The following LSP1 variants were observed in gnomAD, a reference collection of about 807,000 sequenced individuals.
LSP1 encodes lymphocyte-specific protein 1.
Under a neutral mutation model 49.3 loss-of-function variants are expected in LSP1, and 32 were observed. The observed-to-expected ratio is 0.65, with a 90% CI of 0.49 to 0.87. LSP1 has a LOEUF of 0.87. Ranked by LOEUF, LSP1 falls within the 40% of genes least tolerant of loss-of-function variation. The pLI is 0.00. For missense variants in LSP1, 428 were observed against 442.6 expected, an observed-to-expected ratio of 0.97 and a Z score of 0.30; for synonymous variants, 179 against 178.8, an observed-to-expected ratio of 1.00 and a Z score of -0.01.
chr11:1,889,026 C>T, intron 10 of LSP1: 1 of 574,438 alleles, frequency 1.7e-6, no homozygotes, highest in South Asian at 2.1e-5. Flanking sequence ...TGCCCTGCAC[C>T]CCATGCCCCT....
intron 2 of LSP1, chr11:1,880,741 C>A (rs1848503790): frequency 6.5e-6 from 1 of 153,272 alleles, no homozygotes; most frequent in Non-Finnish European, 1.5e-5. Flanking sequence ...AGGCCCTTGG[C>A]CACCCCCACC....
intron 7 of LSP1, among the ~76,000 whole-genome samples, chr11:1,886,230 G>A (rs1243138045): frequency 6.7e-6 from 1 of 149,792 alleles, no homozygotes; most frequent in Non-Finnish European, 1.5e-5. Flanking sequence ...AACCAATACG[G>A]CTCTATCCAA....
At chr11:1,864,248 C>A in intron 1 of LSP1, 1 of 987,380 alleles carries the variant, frequency 1.0e-6, no homozygotes, top group Non-Finnish European at 1.2e-6. Context: ...AGGGAGGTGG[C>A]AGGTTGACGA....
chr11:1,884,098 C>T lies in LSP1; in HGVS notation c.591+74C>T. Reference sequence around the variant, plus strand: ...TACCCAAAAGGCCAATCCCACATGCCAGCCACAGGAAGACCAGGCCCAGGC... The same window carrying T: ...TACCCAAAAGGCCAATCCCACATGCTAGCCACAGGAAGACCAGGCCCAGGC... On this transcript the variant is annotated intron_variant, in intron 5 of 10. Transcript: ENST00000311604. This position sits in a 1 kb window ranked among gnomAD's most constrained non-coding sequence, Gnocchi z 4.1. The T allele has an allele frequency of 2.0e-6, 3 of 1,501,532 alleles. No individual in the cohort carries two copies. The highest frequency in any genetic ancestry group is 2.7e-6 in the Non-Finnish European group (3 of 1,091,772). The allele number at this position is 1,501,532 out of a possible 1,614,324, so 93.0% of individuals were successfully genotyped here.
intron 1 of LSP1, among the ~76,000 whole-genome samples, chr11:1,868,334 C>T (rs912401364): frequency 1.3e-5 from 2 of 152,346 alleles, no homozygotes; most frequent in Admixed American, 6.5e-5. Flanking sequence ...CCGTGCCCAC[C>T]CTTAGCCATG....
intron 10 of LSP1, chr11:1,888,794 C>CAGGGCTGGACACT: frequency 4.2e-6 from 1 of 235,620 alleles, no homozygotes; most frequent in South Asian, 1.6e-4. Context: ...GAGGCCCAGG[C>CAGGGCTGGACACT]CCCTGAGGAG....
In LSP1 at chr11:1,880,123, G is replaced by A. The variant is rs1443226959; in HGVS notation, c.90G>A (p.Glu30=). 2 of 1,609,296 alleles carry A rather than the reference G, an allele frequency of 1.2e-6. No homozygotes were observed. Among genetic ancestry groups the A allele is most frequent in the South Asian group, 2.2e-5 (2 of 90,558 alleles). The change falls in exon 2 of 11, where the codon GAG becomes GAA. Residue 30 remains glutamate, a synonymous_variant. Coordinates refer to ENST00000311604, the MANE Select transcript of LSP1 (RefSeq NM_002339.3). ...TAQWSVEDEE[E]AVHEQCQHER... ...AGTGGAGCGTGGAGGACGAGGAGGA[G>A]GCCGTCCACGAGCAATGCCAGCATG...
chr11:1,886,523 C>T (rs1420717638), intron 7 of LSP1, among the ~76,000 whole-genome samples: 1 of 152,250 alleles, frequency 6.6e-6, no homozygotes, highest in Non-Finnish European at 1.5e-5. Flanking sequence ...CATCATCTCC[C>T]TGATGCTCTT....
intron 10 of LSP1, chr11:1,889,417 G>A (rs1848892909): frequency 3.0e-6 from 2 of 677,552 alleles, no homozygotes; most frequent in East Asian, 2.7e-5. Flanking sequence ...GGGGCCCGGG[G>A]TGCGGTGAGG....
intron 1 of LSP1, among the ~76,000 whole-genome samples, chr11:1,861,065 T>C (rs1437251891): frequency 6.6e-6 from 1 of 152,236 alleles, no homozygotes; most frequent in African/African-American, 2.4e-5. Flanking sequence ...GAAAGACGGA[T>C]GTGTGAGTAG....
chr11:1,871,838 G>A (rs1848025482), intron 1 of LSP1, among the ~76,000 whole-genome samples: 1 of 148,950 alleles, frequency 6.7e-6, no homozygotes, highest in Admixed American at 6.7e-5. Flanking sequence ...GACGGGGTGT[G>A]TGTGGCAGGC....
chr11:1,867,332 CCCCA>C (rs886391370), intron 1 of LSP1, among the ~76,000 whole-genome samples: 2 of 146,026 alleles, frequency 1.4e-5, no homozygotes, highest in African/African-American at 2.5e-5. Context: ...GGCCGCTGCA[CCCCA>C]CCCACCCACC....
At chr11:1,883,129 A>T (rs1172767063) in intron 3 of LSP1, among the ~76,000 whole-genome samples, 2 of 152,190 alleles carry the variant, frequency 1.3e-5, no homozygotes, top group Non-Finnish European at 2.9e-5. Context: ...CTGGGGATTG[A>T]ACCCAGCCTC....
chr11:1,857,622 C>T (rs1051764525), intron 1 of LSP1, among the ~76,000 whole-genome samples: 3 of 152,222 alleles, frequency 2.0e-5, no homozygotes, highest in Non-Finnish European at 2.9e-5. Context: ...GGCCTTGCTT[C>T]GGCTGCTATA....
At chr11:1,873,171 G>T (rs1253650156) in intron 1 of LSP1, among the ~76,000 whole-genome samples, 1 of 151,682 alleles carries the variant, frequency 6.6e-6, no homozygotes, top group Non-Finnish European at 1.5e-5. Context: ...GGAGGATGGG[G>T]AGAGGGGAGG....
intron 1 of LSP1, chr11:1,868,742 C>A (rs1217754927): frequency 1.4e-5 from 14 of 985,912 alleles, no homozygotes; most frequent in African/African-American, 1.7e-5. Context: ...AGCAGGGGTG[C>A]AGGGACCGAG....
At position 1,853,141 on chromosome 11, in the gene LSP1, G is replaced by C; in HGVS notation, c.-4G>C. 1 of 1,610,166 alleles carries C rather than the reference G, an allele frequency of 6.2e-7. No homozygotes were observed. The highest frequency in any genetic ancestry group is 8.5e-7 in the Non-Finnish European group (1 of 1,178,916). ...GCACCCTGTGGGGCCCAGACTACAG[G>C]CTGATGGCGGAGGCTTCGAGTGACC... On this transcript the variant is annotated 5_prime_UTR_variant, in exon 1 of 11. Coordinates refer to ENST00000311604, the MANE Select transcript of LSP1 (RefSeq NM_002339.3).
chr11:1,871,659 G>A (rs755687902), intron 1 of LSP1, among the ~76,000 whole-genome samples: 23 of 152,234 alleles, frequency 1.5e-4, no homozygotes, highest in Non-Finnish European at 2.9e-4. Flanking sequence ...GCTGTCTGCC[G>A]CTGCACGGGC....
intron 1 of LSP1, chr11:1,871,059 G>T: frequency 1.0e-6 from 1 of 985,612 alleles, no homozygotes; most frequent in Non-Finnish European, 1.2e-6. Context: ...GGTGAGAGCT[G>T]CGGCGGAGGA....
Sources: gnomAD v4.1 joint callset for allele counts (sites outside exome capture counted in the v4.1 genomes callset) on GRCh38, gnomAD v4.1.1 for gene constraint, Gnocchi (gnomAD v3.1) non-coding constraint, MANE v1.5 for transcripts, NCBI Gene and HGNC (gene_info 2026-07-23, HGNC 2026-07-21) for gene names.